The following VCAN variants were observed in gnomAD, a reference collection of about 807,000 sequenced individuals.
The protein encoded by VCAN is versican.
In VCAN, 44 loss-of-function variants were observed where a neutral mutation model predicts 245.5. That is an observed-to-expected ratio of 0.18 (90% confidence interval 0.14 to 0.23). VCAN has a LOEUF of 0.23. VCAN is among the 10% of genes least tolerant of loss of function. The probability of loss-of-function intolerance (pLI) is 1.00; values close to 1 mark genes in which losing one functional copy is unlikely to be tolerated. For missense variants in VCAN, 3,793 were observed against 4,057.9 expected, an observed-to-expected ratio of 0.93 and a Z score of 1.77; for synonymous variants, 1,413 against 1,437.0, an observed-to-expected ratio of 0.98 and a Z score of 0.38.
intron 12 of VCAN, among the ~76,000 whole-genome samples, chr5:83,556,624 C>T (rs1237173265): frequency 6.6e-6 from 1 of 152,130 alleles, no homozygotes; most frequent in Non-Finnish European, 1.5e-5. Flanking sequence ...TGTATTGGAT[C>T]TGTATCTGCA....
At chr5:83,545,808 C>T (rs1453165078) in intron 9 of VCAN, among the ~76,000 whole-genome samples, 158 bp downstream of exon 9, 1 of 152,112 alleles carries the variant, frequency 6.6e-6, no homozygotes, top group African/African-American at 2.4e-5. Context: ...TAACTAGGGG[C>T]TGGAAAATGG....
Position 83,540,746 on chromosome 5 carries a change from T to C in VCAN, c.7743T>C (p.Asp2581=), listed in dbSNP as rs75771891. Residue 2581 remains aspartate, a synonymous_variant, in exon 8 of 15, where the codon GAT becomes GAC. Coordinates refer to ENST00000265077, the MANE Select transcript of VCAN (RefSeq NM_004385.5). Reference sequence around the variant, plus strand: ...ATAAAAATACTATCATAGATATTGATCATACTAAACCTGTGTATGAAGACA... The same window carrying C: ...ATAAAAATACTATCATAGATATTGACCATACTAAACCTGTGTATGAAGACA... ...TSDKNTIIDI[D]HTKPVYEDIL... is the part of the protein sequence containing the mutation. The C allele has an allele frequency of 2.3e-3, 3,772 of 1,613,988 alleles. 138 individuals carry two copies. The East Asian group carries it at 0.071, about 30-fold the overall frequency.
intron 12 of VCAN, among the ~76,000 whole-genome samples, chr5:83,564,479 A>G (rs186408356): frequency 6.6e-6 from 1 of 152,308 alleles, no homozygotes; most frequent in East Asian, 1.9e-4. Context: ...TTAAATGTGA[A>G]ATGAGAGGAT....
At chr5:83,526,752 G>A (rs1304492257) in intron 7 of VCAN, among the ~76,000 whole-genome samples, 1 of 152,092 alleles carries the variant, frequency 6.6e-6, no homozygotes, top group Admixed American at 6.6e-5. Context: ...AACAAATATT[G>A]TTTCAATCTT....
At chr5:83,570,825 C>CTTTTTTTTTTTT (rs5869186) in intron 12 of VCAN, among the ~76,000 whole-genome samples, 1 of 145,978 alleles carries the variant, frequency 6.9e-6, no homozygotes, top group African/African-American at 2.5e-5. Context: ...TGGACCTTCC[C>CTTTTTTTTTTTT]TTTTTTTTTT....
Position 83,520,128 on chromosome 5 carries a change from C to T in VCAN, c.1822C>T (p.Pro608Ser). 1 of 1,613,950 alleles carries T rather than the reference C, an allele frequency of 6.2e-7. No homozygotes were observed. Among genetic ancestry groups the T allele is most frequent in the African/African-American group, 1.3e-5 (1 of 74,986 alleles). The change falls in exon 7 of 15, where the codon CCT becomes TCT. Residue 608 changes from proline (P) to serine (S), a missense_variant. Transcript: ENST00000265077. ...AGTCTCAGCATCCACAACTGTTTCC[C>T]CTTTAATTATGCCTGATAATAATGG... ...ESVSASTTVS[P>S]LIMPDNNGSS...
In VCAN at chr5:83,581,911, C is replaced by A. The variant is rs1748689208; in HGVS notation, c.*1477C>A. On this transcript the variant is annotated 3_prime_UTR_variant, in exon 15 of 15. Transcript: ENST00000265077. Reference sequence around the variant, plus strand: ...TTAGAGCAACTTGAAGAAGAGTAGACAAAAAATAAAATGCACATAGAAAAA... The same window carrying A: ...TTAGAGCAACTTGAAGAAGAGTAGAAAAAAAATAAAATGCACATAGAAAAA... 6.6e-6 allele frequency: 1 copy of A among 152,046 alleles called. No homozygotes were observed. Among genetic ancestry groups the A allele is most frequent in the African/African-American group, 2.4e-5 (1 of 41,504 alleles). The allele number at this position is 152,046 out of a possible 1,614,324, so 9.4% of individuals were successfully genotyped here.
chr5:83,576,648 T>A (rs78079192), intron 13 of VCAN, among the ~76,000 whole-genome samples: 1 of 152,044 alleles, frequency 6.6e-6, no homozygotes, highest in African/African-American at 2.4e-5. Flanking sequence ...AAAGCCAAAT[T>A]TTTTTCCAAA....
Position 83,492,462 on chromosome 5 carries a change from G to C in VCAN, c.446-1084G>C, listed in dbSNP as rs926939799. ...TTTCTATTTTTCAGTGACTTCTCTG[G>C]CATATTAGTTCAATCCACTTTGATG... On this transcript the variant is annotated intron_variant, in intron 3 of 14. Transcript: ENST00000265077. Among the ~76,000 whole-genome samples, 6 of 152,196 alleles carry C rather than the reference G, an allele frequency of 3.9e-5. No individual in the cohort carries two copies. The East Asian group carries it at 9.6e-4, about 24-fold the overall frequency.
At chr5:83,532,809 G>A (rs943929025) in intron 7 of VCAN, among the ~76,000 whole-genome samples, 1 of 152,044 alleles carries the variant, frequency 6.6e-6, no homozygotes. Flanking sequence ...TTCAGAAAAA[G>A]GAAACAAAAT....
intron 9 of VCAN, among the ~76,000 whole-genome samples, chr5:83,546,592 CAA>C (rs11380325): frequency 3.6e-5 from 5 of 137,716 alleles, no homozygotes; most frequent in Non-Finnish European, 4.7e-5. Context: ...CTCACCTCTG[CAA>C]AAAAAAAAAA....
chr5:83,476,740 AC>A (rs1239797316), intron 1 of VCAN, among the ~76,000 whole-genome samples: 1 of 152,050 alleles, frequency 6.6e-6, no homozygotes, highest in African/African-American at 2.4e-5. Context: ...CTAAGTTCTT[AC>A]CATTGAATGT....
intron 7 of VCAN, 83 bp downstream of exon 7, chr5:83,522,392 T>C: frequency 7.1e-7 from 1 of 1,412,244 alleles, no homozygotes; most frequent in Middle Eastern, 1.9e-4. Flanking sequence ...AAAGTCAACA[T>C]ACCAAATGCT....
intron 6 of VCAN, among the ~76,000 whole-genome samples, chr5:83,514,466 T>G (rs1438440593): frequency 1.3e-5 from 2 of 151,576 alleles, no homozygotes; most frequent in Non-Finnish European, 2.9e-5. Context: ...TTTTTTTTTT[T>G]TGAGGTGGAG....
chr5:83,563,644 G>A (rs1276793609), intron 12 of VCAN, among the ~76,000 whole-genome samples: 3 of 152,084 alleles, frequency 2.0e-5, no homozygotes, highest in East Asian at 1.9e-4. Flanking sequence ...TTCCTACTTC[G>A]GTGGTTATCT....
chr5:83,502,828 G>A (rs527318955), intron 5 of VCAN, among the ~76,000 whole-genome samples: 69 of 152,082 alleles, frequency 4.5e-4, no homozygotes, highest in Non-Finnish European at 1.5e-4. Flanking sequence ...TTTAAGCCAC[G>A]TTATGTTCTA....
intron 10 of VCAN, 144 bp downstream of exon 10, chr5:83,548,228 A>T (rs576582925): frequency 1.4e-6 from 1 of 723,392 alleles, no homozygotes; most frequent in Admixed American, 2.0e-5. Context: ...CATCTGAATC[A>T]TAGTGTTGAC....
chr5:83,483,641 T>A, intron 2 of VCAN, 53 bp downstream of exon 2: 1 of 1,525,032 alleles, frequency 6.6e-7, no homozygotes, highest in Non-Finnish European at 9.1e-7. Context: ...ATGTAAGTGC[T>A]GGAGGATGAA....
Position 83,540,804 on chromosome 5 carries a change from G to A in VCAN, c.7801G>A (p.Val2601Ile). 1 of 1,613,908 alleles carries A rather than the reference G, an allele frequency of 6.2e-7. No homozygotes were observed. Among genetic ancestry groups the A allele is most frequent in the Non-Finnish European group, 8.5e-7 (1 of 1,179,962 alleles). Residue 2601 changes from valine to isoleucine, a missense_variant, in exon 8 of 15, where the codon GTA becomes ATA. By Grantham distance (29) the Val-to-Ile change is conservative. Around this residue, in one of 5 missense-constraint regions of VCAN, gnomAD observed 3,182 missense variants for 3,250.3 expected, o/e 0.98. Coordinates refer to ENST00000265077, the MANE Select transcript of VCAN (RefSeq NM_004385.5). ...LGMQTDIDTE[V>I]PSEPHDSNDE... ...AATGCAAACAGATATAGATACAGAG[G>A]TACCATCAGAACCACATGACAGTAA... is the stretch of plus-strand genomic sequence containing the variant.
Sources: allele counts gnomAD v4.1 joint callset (sites outside exome capture counted in the v4.1 genomes callset), GRCh38; gene constraint gnomAD v4.1.1; regional missense constraint gnomAD v4.1.1; transcripts MANE v1.5; gene names NCBI Gene and HGNC (gene_info 2026-07-23, HGNC 2026-07-21).